The following NRG3 variants were observed in gnomAD, a reference collection of about 807,000 sequenced individuals.
The protein encoded by NRG3 is neuregulin 3, also known as pro-neuregulin-3, membrane-bound isoform.
Under a neutral mutation model 66.9 loss-of-function variants are expected in NRG3, and 31 were observed. The observed-to-expected ratio is 0.46, with a 90% CI of 0.35 to 0.63. The LOEUF (loss-of-function observed/expected upper bound fraction) is 0.63, where lower values mean the gene tolerates loss of function less well. Among genes scored for constraint, NRG3 ranks in the 20% least tolerant of loss-of-function variants. The probability of loss-of-function intolerance (pLI) is 0.00; values close to 1 mark genes in which losing one functional copy is unlikely to be tolerated. For synonymous variants in NRG3, 393 were observed against 359.4 expected (o/e 1.09, Z -1.06); for missense variants, 910 against 878.9 (o/e 1.04, Z -0.45).
At chr10:82,828,674 A>T (rs2062366363) in intron 3 of NRG3, among the ~76,000 whole-genome samples, 1 of 152,226 alleles carries the variant, frequency 6.6e-6, no homozygotes. Context: ...AATCACAGAT[A>T]AGATTTTTCA....
At chr10:82,766,820 CT>C (rs550969568) in intron 3 of NRG3, among the ~76,000 whole-genome samples, 1 of 151,228 alleles carries the variant, frequency 6.6e-6, no homozygotes, top group Admixed American at 6.6e-5. Context: ...CATCCTTAGT[CT>C]TTTTTTTAAT....
intron 1 of NRG3, among the ~76,000 whole-genome samples, chr10:82,152,541 C>T (rs942754376): frequency 2.8e-4 from 43 of 151,940 alleles, no homozygotes; most frequent in African/African-American, 1.0e-3. Flanking sequence ...TTATCGGGGA[C>T]GTAGCTCTGT....
At chr10:82,912,487 T>C (rs115024642) in intron 4 of NRG3, among the ~76,000 whole-genome samples, 213 of 152,288 alleles carry the variant, frequency 1.4e-3, no homozygotes, top group African/African-American at 4.9e-3. Context: ...CCATATTATT[T>C]TGGATAAGTG....
chr10:82,972,661 AG>A (rs2132576855), intron 6 of NRG3, among the ~76,000 whole-genome samples: 1 of 152,338 alleles, frequency 6.6e-6, no homozygotes, highest in East Asian at 1.9e-4. Flanking sequence ...CTAAAAGGCT[AG>A]GAAACATCTT....
At chr10:81,904,877 G>T (rs1440387827) in intron 1 of NRG3, among the ~76,000 whole-genome samples, 1 of 152,090 alleles carries the variant, frequency 6.6e-6, no homozygotes, top group African/African-American at 2.4e-5. Context: ...CTGCCTCAGA[G>T]GGTTGCTGTG....
At chr10:82,706,471 C>T (rs979628046) in intron 2 of NRG3, among the ~76,000 whole-genome samples, 6 of 152,112 alleles carry the variant, frequency 3.9e-5, no homozygotes, top group African/African-American at 1.4e-4. Flanking sequence ...AACGTTAAAG[C>T]CTCTTGAACA....
chr10:82,172,386 T>G (rs1242259465), intron 1 of NRG3, among the ~76,000 whole-genome samples: 1 of 152,150 alleles, frequency 6.6e-6, no homozygotes, highest in Non-Finnish European at 1.5e-5. Flanking sequence ...ATATGTGGGT[T>G]ACTGCTTGTC....
rs562346974 is a variant in NRG3 at position 82,952,116 on chromosome 10, G to C, written c.1157+545G>C. ...TTGCTGAGAAACTAGACCTTCTTCA[G>C]ATAAAGGTGTTTATGTTTGACTAGA... On this transcript the variant is annotated intron_variant, in intron 5 of 8. Coordinates refer to ENST00000372141, the MANE Select transcript of NRG3 (RefSeq NM_001010848.4). Among the ~76,000 whole-genome samples the C allele has an allele frequency of 1.1e-4, 16 of 152,278 alleles. No individual in the cohort carries two copies. The East Asian group carries it at 1.7e-3, about 17-fold the overall frequency.
intron 2 of NRG3, among the ~76,000 whole-genome samples, chr10:82,361,041 G>A (rs2084104807): frequency 6.6e-6 from 1 of 152,100 alleles, no homozygotes; most frequent in African/African-American, 2.4e-5. Context: ...CACATTCTGA[G>A]GAACTGGAGT....
chr10:82,903,262 G>A (rs935805113), intron 4 of NRG3, among the ~76,000 whole-genome samples: 2 of 152,112 alleles, frequency 1.3e-5, no homozygotes, highest in East Asian at 1.9e-4. Context: ...AATGTTGAGC[G>A]TGTTTGCTTA....
intron 4 of NRG3, among the ~76,000 whole-genome samples, chr10:82,916,956 A>G (rs542174547): frequency 5.8e-4 from 88 of 152,296 alleles, no homozygotes; most frequent in African/African-American, 2.0e-3. Flanking sequence ...AAAATGTCCA[A>G]CACTAATTTA....
intron 3 of NRG3, among the ~76,000 whole-genome samples, chr10:82,773,657 C>G (rs2059795032): frequency 6.6e-6 from 1 of 151,720 alleles, no homozygotes; most frequent in African/African-American, 2.4e-5. Context: ...AATTTGGATG[C>G]TTATTGTTAT....
chr10:82,119,279 A>G (rs1174367787), intron 1 of NRG3, among the ~76,000 whole-genome samples: 1 of 152,104 alleles, frequency 6.6e-6, no homozygotes, highest in Non-Finnish European at 1.5e-5. Flanking sequence ...CAACGACAAC[A>G]ATGTCTCCTA....
At chr10:82,898,781 G>A (rs1401045785) in intron 4 of NRG3, among the ~76,000 whole-genome samples, 1 of 124,128 alleles carries the variant, frequency 8.1e-6, no homozygotes, top group Non-Finnish European at 1.6e-5. Flanking sequence ...GAGTGCAGTT[G>A]TGCGATCTTG....
At chr10:82,311,421 T>C (rs559384149) in intron 1 of NRG3, among the ~76,000 whole-genome samples, 11 of 152,314 alleles carry the variant, frequency 7.2e-5, no homozygotes, top group African/African-American at 1.7e-4. Flanking sequence ...TGTATAGAGA[T>C]AGTGACAAAT....
rs145289230 is a variant in NRG3 at position 82,153,638 on chromosome 10, C to T, written c.824-205101C>T. ...GTAATTTGGGGCGGGGGAACCACTA[C>T]ACTGTTTTCCATAGTGGCTACACTA... On this transcript the variant is annotated intron_variant, in intron 1 of 8. Transcript: ENST00000372141. Among the ~76,000 whole-genome samples, 561 of 152,082 alleles carry T rather than the reference C, an allele frequency of 3.7e-3. 3 individuals carry two copies. Among genetic ancestry groups the T allele is most frequent in the Middle Eastern group, 0.01 (3 of 294 alleles).
intron 1 of NRG3, among the ~76,000 whole-genome samples, chr10:82,228,501 T>C (rs2076281953): frequency 6.6e-6 from 1 of 152,138 alleles, no homozygotes; most frequent in South Asian, 2.1e-4. Context: ...TGGCCATGGA[T>C]AAACAACATA....
At chr10:81,990,265 G>A (rs1564717161) in intron 1 of NRG3, among the ~76,000 whole-genome samples, 1 of 152,134 alleles carries the variant, frequency 6.6e-6, no homozygotes, top group Non-Finnish European at 1.5e-5. Flanking sequence ...AGTAAGCAGT[G>A]ATGAACATGG....
intron 2 of NRG3, among the ~76,000 whole-genome samples, chr10:82,383,428 A>T (rs1044078328): frequency 8.5e-5 from 5 of 58,732 alleles, no homozygotes; most frequent in African/African-American, 2.8e-4. Flanking sequence ...TTCCTTTTTT[A>T]AAAAAAACAC....
Sources: gnomAD v4.1 joint callset for allele counts (sites outside exome capture counted in the v4.1 genomes callset) on GRCh38, gnomAD v4.1.1 for gene constraint, MANE v1.5 for transcripts, NCBI Gene and HGNC (gene_info 2026-07-23, HGNC 2026-07-21) for gene names.